MAF: variants seen among roughly 807,000 people sequenced by gnomAD.
The protein encoded by MAF is transcription factor Maf.
Under a neutral mutation model 22.0 loss-of-function variants are expected in MAF, and 10 were observed. The ratio of observed to expected loss-of-function variants is 0.45; its 90% CI spans 0.28 to 0.77. The LOEUF is 0.77. MAF is among the 30% of genes least tolerant of loss of function. The pLI is 0.12. For missense variants in MAF, 544 were observed against 548.4 expected (o/e 0.99, Z 0.08); for synonymous variants, 337 against 255.8 (o/e 1.32, Z -3.03).
chr16:79,212,118 G>C, the MAF span: 1 of 1,534,156 alleles, frequency 6.5e-7, no homozygotes, highest in Non-Finnish European at 8.7e-7. Flanking sequence ...TTCTTTTACT[G>C]TTATAGAATA....
the MAF span, among the ~76,000 whole-genome samples, chr16:79,504,758 T>C: frequency 1.3e-5 from 2 of 152,200 alleles, no homozygotes; most frequent in Non-Finnish European, 2.9e-5. Flanking sequence ...CCTGGCAATC[T>C]CATACATTGG....
chr16:79,389,507 C>T, the MAF span, among the ~76,000 whole-genome samples: 2 of 152,220 alleles, frequency 1.3e-5, no homozygotes, highest in Non-Finnish European at 2.9e-5. Context: ...AGTGATCCAC[C>T]TGCCTCTGCC....
At chr16:79,516,858 C>A in the MAF span, among the ~76,000 whole-genome samples, 2 of 151,874 alleles carry the variant, frequency 1.3e-5, no homozygotes, top group Non-Finnish European at 2.9e-5. Flanking sequence ...TTTTCTTAAT[C>A]TTAAAGCAGC....
the MAF span, chr16:79,211,588 C>G: frequency 4.3e-6 from 7 of 1,613,632 alleles, no homozygotes; most frequent in South Asian, 4.4e-5. Flanking sequence ...TTTTTTTTGT[C>G]TTTCTTCTTG....
the MAF span, among the ~76,000 whole-genome samples, chr16:79,296,894 C>A: frequency 2.0e-5 from 3 of 152,316 alleles, no homozygotes; most frequent in South Asian, 6.2e-4. Flanking sequence ...GCTCTCAATG[C>A]CCTGGTGGGT....
chr16:79,426,974 C>T, the MAF span, among the ~76,000 whole-genome samples: 4 of 152,194 alleles, frequency 2.6e-5, no homozygotes, highest in Non-Finnish European at 5.9e-5. Flanking sequence ...AAGCCAGCTA[C>T]ATCTGGATTG....
the MAF span, among the ~76,000 whole-genome samples, chr16:79,291,816 T>C: frequency 6.7e-6 from 1 of 148,464 alleles, no homozygotes; most frequent in African/African-American, 2.5e-5. Context: ...AGGTTTACAA[T>C]GGGAACAAGA....
the MAF span, among the ~76,000 whole-genome samples, chr16:79,469,910 A>C: frequency 1.3e-5 from 2 of 152,184 alleles, no homozygotes; most frequent in Admixed American, 6.5e-5. Context: ...GGTCTCATTT[A>C]AACTCATAAA....
chr16:79,231,622 C>T, the MAF span, among the ~76,000 whole-genome samples: 2 of 151,808 alleles, frequency 1.3e-5, no homozygotes, highest in African/African-American at 4.8e-5. Context: ...TCTTATGTTG[C>T]AAAAAGAAGA....
chr16:79,316,448 CA>C, the MAF span, among the ~76,000 whole-genome samples: 1 of 152,218 alleles, frequency 6.6e-6, no homozygotes, highest in Non-Finnish European at 1.5e-5. Context: ...CTAGCGCCAA[CA>C]TTTGCATCAT....
the MAF span, among the ~76,000 whole-genome samples, chr16:79,395,408 C>T: frequency 6.6e-6 from 1 of 152,124 alleles, no homozygotes; most frequent in African/African-American, 2.4e-5. Context: ...ACCAGAACCT[C>T]AGAATATAAG....
the MAF span, among the ~76,000 whole-genome samples, chr16:79,532,041 C>G: frequency 2.0e-5 from 3 of 152,144 alleles, no homozygotes; most frequent in Non-Finnish European, 4.4e-5. Flanking sequence ...TTTCAGATAA[C>G]CAATAAGAAT....
the MAF span, among the ~76,000 whole-genome samples, chr16:79,302,992 G>A: frequency 6.6e-6 from 1 of 152,210 alleles, no homozygotes; most frequent in East Asian, 1.9e-4. Context: ...CGGCACTCCG[G>A]AGTTGCTTCT....
the MAF span, among the ~76,000 whole-genome samples, chr16:79,306,619 G>A: frequency 3.7e-4 from 56 of 152,278 alleles, no homozygotes; most frequent in Admixed American, 2.7e-3. Flanking sequence ...AACTATGGGG[G>A]AAAGCCATCA....
chr16:79,273,464 G>A, the MAF span, among the ~76,000 whole-genome samples: 1 of 152,214 alleles, frequency 6.6e-6, no homozygotes, highest in Admixed American at 6.5e-5. Flanking sequence ...ATAAATTTAT[G>A]TTTCAGTTCT....
At chr16:79,322,455 C>T in the MAF span, among the ~76,000 whole-genome samples, 4 of 151,890 alleles carry the variant, frequency 2.6e-5, no homozygotes, top group African/African-American at 7.3e-5. Flanking sequence ...AAGTTTGCTG[C>T]GTAAAAAGGC....
At chr16:79,386,284 C>T in the MAF span, among the ~76,000 whole-genome samples, 1 of 152,166 alleles carries the variant, frequency 6.6e-6, no homozygotes, top group Non-Finnish European at 1.5e-5. Flanking sequence ...GAGCCTTGAG[C>T]TTGTCTTCCT....
chr16:79,467,679 C>T, the MAF span, among the ~76,000 whole-genome samples: 2 of 152,142 alleles, frequency 1.3e-5, no homozygotes, highest in African/African-American at 4.8e-5. Context: ...CCCTGGACCT[C>T]GTGAATCGGA....
the MAF span, among the ~76,000 whole-genome samples, chr16:79,388,800 T>G: frequency 6.6e-5 from 10 of 152,192 alleles, no homozygotes; most frequent in Admixed American, 5.2e-4. Context: ...ATATATGTTC[T>G]CCTGTCCATT....
Sources: allele counts gnomAD v4.1 joint callset (sites outside exome capture counted in the v4.1 genomes callset), GRCh38; gene constraint gnomAD v4.1.1; transcripts MANE v1.5; gene names NCBI Gene and HGNC (gene_info 2026-07-23, HGNC 2026-07-21).